FANCC: variants seen among roughly 807,000 people sequenced by gnomAD.
FANCC encodes the protein FA complementation group C.
Under a neutral mutation model 71.3 loss-of-function variants are expected in FANCC, and 55 were observed. The ratio of observed to expected loss-of-function variants is 0.77; its 90% confidence interval spans 0.62 to 0.97. FANCC has a LOEUF of 0.97. FANCC is among the 50% of genes least tolerant of loss of function. FANCC has a pLI of 0.00. For missense variants in FANCC, 678 were observed against 670.9 expected, an observed-to-expected ratio of 1.01 and a Z score of -0.12; for synonymous variants, 275 against 244.9, an observed-to-expected ratio of 1.12 and a Z score of -1.15.
At chr9:95,134,031 G>A (rs960087528) in intron 8 of FANCC, among the ~76,000 whole-genome samples, 2 of 152,074 alleles carry the variant, frequency 1.3e-5, no homozygotes, top group Admixed American at 6.6e-5. Context: ...TAATATACAC[G>A]TCTTCCTTTC....
intron 1 of FANCC, among the ~76,000 whole-genome samples, chr9:95,299,203 T>C (rs1473362966): frequency 3.3e-5 from 5 of 152,258 alleles, no homozygotes; most frequent in Admixed American, 1.3e-4. Context: ...GAAAATCTAC[T>C]GAACTTTTAA....
intron 1 of FANCC, among the ~76,000 whole-genome samples, chr9:95,283,849 T>A (rs181094481): frequency 7.2e-5 from 11 of 152,366 alleles, no homozygotes; most frequent in Admixed American, 7.2e-4. Context: ...TTAAGAAGGC[T>A]GACTTGGAGG....
intron 13 of FANCC, chr9:95,111,180 G>T: frequency 1.3e-6 from 2 of 1,535,992 alleles, no homozygotes; most frequent in Non-Finnish European, 1.7e-6. Flanking sequence ...AGATATGGCA[G>T]CTGAGCAATA....
intron 4 of FANCC, among the ~76,000 whole-genome samples, chr9:95,219,704 C>T (rs1238711669): frequency 2.0e-5 from 3 of 152,166 alleles, no homozygotes; most frequent in Non-Finnish European, 2.9e-5. Context: ...ACACCTTATA[C>T]AAAAATTAAT....
intron 1 of FANCC, chr9:95,317,268 C>A: frequency 6.6e-6 from 1 of 152,528 alleles, no homozygotes; most frequent in South Asian, 2.0e-4. Flanking sequence ...CCCGCTTTCC[C>A]CGCCCTGGCC....
At chr9:95,247,554 T>A in intron 2 of FANCC, 38 bp from the exon 3 acceptor site, 1 of 1,345,798 alleles carries the variant, frequency 7.4e-7, no homozygotes, top group South Asian at 1.2e-5. Context: ...GTAAAGGCAT[T>A]ATGCAACTTA....
chr9:95,182,075 G>C (rs774671722), intron 4 of FANCC, among the ~76,000 whole-genome samples: 2 of 152,190 alleles, frequency 1.3e-5, no homozygotes, highest in Non-Finnish European at 2.9e-5. Context: ...AGGGCTAGGA[G>C]AGCCAAACTG....
intron 1 of FANCC, among the ~76,000 whole-genome samples, chr9:95,259,622 A>C (rs1831897214): frequency 6.6e-6 from 1 of 152,250 alleles, no homozygotes; most frequent in Non-Finnish European, 1.5e-5. Flanking sequence ...CATTTAGGAC[A>C]TAGGCATGGA....
chr9:95,249,590 T>C (rs1042311488), intron 1 of FANCC, among the ~76,000 whole-genome samples: 1 of 152,198 alleles, frequency 6.6e-6, no homozygotes, highest in Admixed American at 6.5e-5. Flanking sequence ...TAGAAGTCTT[T>C]ATACCTCCAC....
intron 4 of FANCC, among the ~76,000 whole-genome samples, chr9:95,235,439 C>A (rs1010699083): frequency 1.2e-4 from 18 of 152,218 alleles, no homozygotes; most frequent in Non-Finnish European, 1.3e-4. Context: ...TTACACCACA[C>A]CATAAGTTAC....
At chr9:95,226,683 C>T (rs1344306566) in intron 4 of FANCC, among the ~76,000 whole-genome samples, 1 of 152,196 alleles carries the variant, frequency 6.6e-6, no homozygotes, top group Non-Finnish European at 1.5e-5. Flanking sequence ...GGAAGACAAA[C>T]TGCCCGGGTT....
At chr9:95,213,572 C>T (rs1033715938) in intron 4 of FANCC, among the ~76,000 whole-genome samples, 3 of 152,104 alleles carry the variant, frequency 2.0e-5, no homozygotes, top group Non-Finnish European at 4.4e-5. Context: ...GCCTTTGCAA[C>T]AAATGATGGT....
At chr9:95,265,380 G>T (rs1832323148) in intron 1 of FANCC, among the ~76,000 whole-genome samples, 1 of 152,162 alleles carries the variant, frequency 6.6e-6, no homozygotes, top group African/African-American at 2.4e-5. Flanking sequence ...GCAATGGGGG[G>T]AGAGGAGCTA....
chr9:95,188,840 G>A (rs1179683758), intron 4 of FANCC, among the ~76,000 whole-genome samples: 1 of 152,104 alleles, frequency 6.6e-6, no homozygotes, highest in Non-Finnish European at 1.5e-5. Flanking sequence ...AGCCTAATCT[G>A]CCTGAATCCT....
chr9:95,164,496 T>C (rs1312592743), intron 6 of FANCC, among the ~76,000 whole-genome samples: 1 of 152,152 alleles, frequency 6.6e-6, no homozygotes, highest in East Asian at 1.9e-4. Flanking sequence ...CTAATTTGTT[T>C]AAGGTTTTAC....
chr9:95,215,048 TA>T (rs1391736168), intron 4 of FANCC, among the ~76,000 whole-genome samples: 2 of 152,108 alleles, frequency 1.3e-5, no homozygotes, highest in Non-Finnish European at 1.5e-5. Context: ...ACATTAAAAA[TA>T]GGTCAAATTG....
At chr9:95,250,007 A>G (rs1481541191) in intron 1 of FANCC, among the ~76,000 whole-genome samples, 2 of 152,240 alleles carry the variant, frequency 1.3e-5, no homozygotes, top group African/African-American at 4.8e-5. Flanking sequence ...AAATAATAAT[A>G]AATTCCACTT....
intron 1 of FANCC, among the ~76,000 whole-genome samples, chr9:95,260,327 T>C (rs1194335219): frequency 6.6e-6 from 1 of 152,170 alleles, no homozygotes; most frequent in Admixed American, 6.5e-5. Context: ...AAAGAAAATG[T>C]GGCACATATA....
intron 6 of FANCC, among the ~76,000 whole-genome samples, chr9:95,166,020 T>C (rs1831044671): frequency 6.6e-6 from 1 of 152,072 alleles, no homozygotes; most frequent in African/African-American, 2.4e-5. Context: ...TATTATATAA[T>C]CTTTTTCTTT....
Sources: allele counts gnomAD v4.1 joint callset (sites outside exome capture counted in the v4.1 genomes callset), GRCh38; gene constraint gnomAD v4.1.1; transcripts MANE v1.5; gene names NCBI Gene and HGNC (gene_info 2026-07-23, HGNC 2026-07-21).